MTUS2: variants seen among roughly 807,000 people sequenced by gnomAD.
The protein encoded by MTUS2 is microtubule associated scaffold protein 2.
In MTUS2, 40 loss-of-function variants were observed where a neutral mutation model predicts 114.1. The ratio of observed to expected loss-of-function variants is 0.35; its 90% CI spans 0.27 to 0.46. The LOEUF (loss-of-function observed/expected upper bound fraction) is 0.46, where lower values mean the gene tolerates loss of function less well. MTUS2 is among the 20% of genes least tolerant of loss of function. The pLI, the probability that MTUS2 is intolerant of heterozygous loss-of-function variation, is 1.00. For synonymous variants in MTUS2, 688 were observed against 672.0 expected (o/e 1.02, Z -0.37); for missense variants, 1,679 against 1,705.4 (o/e 0.98, Z 0.27).
intron 4 of MTUS2, among the ~76,000 whole-genome samples, chr13:29,084,788 C>CG (rs1460492851): frequency 1.8e-5 from 2 of 112,692 alleles, no homozygotes; most frequent in Non-Finnish European, 3.8e-5. Flanking sequence ...TCCACCCCCC[C>CG]CCCTCACCGT....
At chr13:28,904,509 G>A (rs1374471581) in intron 2 of MTUS2, among the ~76,000 whole-genome samples, 2 of 152,162 alleles carry the variant, frequency 1.3e-5, no homozygotes, top group Admixed American at 6.5e-5. Context: ...ATTAAATAGG[G>A]AATCCTTTCC....
intron 9 of MTUS2, among the ~76,000 whole-genome samples, chr13:29,478,952 A>T (rs1439288819): frequency 6.6e-6 from 1 of 152,210 alleles, no homozygotes; most frequent in Non-Finnish European, 1.5e-5. Flanking sequence ...AGAAAACGTT[A>T]ACATCCCTTA....
intron 4 of MTUS2, among the ~76,000 whole-genome samples, chr13:29,040,590 G>C (rs2138553627): frequency 6.6e-6 from 1 of 152,242 alleles, no homozygotes; most frequent in East Asian, 1.9e-4. Flanking sequence ...CAGTATATAA[G>C]TGTTCCCTTT....
At chr13:28,866,696 A>G (rs898474586) in intron 2 of MTUS2, among the ~76,000 whole-genome samples, 1 of 152,118 alleles carries the variant, frequency 6.6e-6, no homozygotes, top group Non-Finnish European at 1.5e-5. Context: ...TAGATAAAGT[A>G]TATGTAATTT....
chr13:29,345,666 T>G (rs1484279317), intron 7 of MTUS2, among the ~76,000 whole-genome samples: 3 of 152,124 alleles, frequency 2.0e-5, no homozygotes, highest in Non-Finnish European at 4.4e-5. Flanking sequence ...TTCAGAGATT[T>G]CTTCTTGGTT....
At chr13:28,884,820 C>T (rs1878497840) in intron 2 of MTUS2, among the ~76,000 whole-genome samples, 1 of 151,936 alleles carries the variant, frequency 6.6e-6, no homozygotes, top group African/African-American at 2.4e-5. Flanking sequence ...TTCAAAATAA[C>T]ACAAATAACA....
intron 2 of MTUS2, among the ~76,000 whole-genome samples, chr13:29,005,783 T>C (rs1885575723): frequency 6.6e-6 from 1 of 152,336 alleles, no homozygotes; most frequent in South Asian, 2.1e-4. Context: ...ATTGTTAACC[T>C]AGGACATAGT....
chr13:29,370,912 C>A (rs1384345624), intron 8 of MTUS2, among the ~76,000 whole-genome samples: 1 of 152,134 alleles, frequency 6.6e-6, no homozygotes, highest in Non-Finnish European at 1.5e-5. Context: ...GACTGTAGAA[C>A]AAGATTACCG....
In MTUS2 at chr13:29,372,471, A is replaced by G. The variant is rs139269653; in HGVS notation, c.3117+12998A>G. ...TACCAGATCCTAGGTAACAATTATT[A>G]TATGTTAAGATTAACTATAAGGTTG... On this transcript the variant is annotated intron_variant, in intron 8 of 15. Transcript: ENST00000612955. 4.4e-4 allele frequency among the ~76,000 whole-genome samples: 67 copies of G among 151,084 alleles called. No individual in the cohort carries two copies. In the East Asian group the frequency reaches 0.012, roughly 27 times the overall value.
intron 2 of MTUS2, among the ~76,000 whole-genome samples, chr13:28,974,490 T>A (rs1455643942): frequency 1.3e-5 from 2 of 152,220 alleles, no homozygotes; most frequent in Non-Finnish European, 2.9e-5. Context: ...CCTTATGACC[T>A]AATTTGTCAT....
At chr13:28,854,362 C>T (rs1876490642) in intron 2 of MTUS2, among the ~76,000 whole-genome samples, 1 of 152,166 alleles carries the variant, frequency 6.6e-6, no homozygotes, top group Non-Finnish European at 1.5e-5. Context: ...ACAAACTTGG[C>T]CTTGGGCAGC....
chr13:28,852,288 G>C (rs1399526620), intron 2 of MTUS2, among the ~76,000 whole-genome samples: 8 of 152,074 alleles, frequency 5.3e-5, no homozygotes, highest in African/African-American at 1.7e-4. Flanking sequence ...TTGTTCATCT[G>C]TCTCTCCAGT....
At chr13:29,375,579 ATATATATACGT>A in intron 8 of MTUS2, among the ~76,000 whole-genome samples, 2 of 4,156 alleles carry the variant, frequency 4.8e-4, no homozygotes, top group Non-Finnish European at 6.2e-4. Context: ...ATATACATAT[ATATATATACGT>A]ATATATATAT....
At chr13:28,998,457 G>A (rs1316615813) in intron 2 of MTUS2, among the ~76,000 whole-genome samples, 1 of 152,236 alleles carries the variant, frequency 6.6e-6, no homozygotes, top group Non-Finnish European at 1.5e-5. Flanking sequence ...GATTGGGGAA[G>A]TTCTCCTGGA....
chr13:29,325,937 C>T (rs1249570805), intron 7 of MTUS2, among the ~76,000 whole-genome samples: 1 of 152,170 alleles, frequency 6.6e-6, no homozygotes, highest in East Asian at 1.9e-4. Context: ...TTAGTTGCTA[C>T]ACTGTTAACC....
intron 2 of MTUS2, among the ~76,000 whole-genome samples, chr13:28,897,893 C>T (rs1393217319): frequency 9.8e-6 from 1 of 101,542 alleles, no homozygotes; most frequent in Non-Finnish European, 1.9e-5. Flanking sequence ...CCCACTGGGG[C>T]CTGTTGTGAG....
chr13:29,334,576 A>G (rs966494321), intron 7 of MTUS2, among the ~76,000 whole-genome samples: 1 of 152,168 alleles, frequency 6.6e-6, no homozygotes, highest in African/African-American at 2.4e-5. Flanking sequence ...ATCTGCTGTT[A>G]TTCTGATGGG....
At chr13:28,909,972 A>G (rs554555989) in intron 2 of MTUS2, among the ~76,000 whole-genome samples, 1 of 152,238 alleles carries the variant, frequency 6.6e-6, no homozygotes, top group African/African-American at 2.4e-5. Flanking sequence ...CATGCAGTGC[A>G]TAATAATCAC....
intron 2 of MTUS2, among the ~76,000 whole-genome samples, chr13:28,976,063 G>T (rs61950559): frequency 3.2e-4 from 49 of 151,978 alleles, no homozygotes; most frequent in Non-Finnish European, 6.3e-4. Flanking sequence ...AAATAGGCAG[G>T]TGCGGTGGTG....
Sources: allele counts gnomAD v4.1 joint callset (sites outside exome capture counted in the v4.1 genomes callset), GRCh38; gene constraint gnomAD v4.1.1; transcripts MANE v1.5; gene names NCBI Gene and HGNC (gene_info 2026-07-23, HGNC 2026-07-21).